Variants in ITFG2 observed in about 807,000 individuals in gnomAD.
The protein encoded by ITFG2 is integrin alpha FG-GAP repeat containing 2.
ITFG2 carries 36 observed loss-of-function variants against 54.4 expected under a neutral mutation model. That is an observed-to-expected ratio of 0.66 (90% CI 0.51 to 0.87). ITFG2 has a LOEUF of 0.87. Ranked by LOEUF, ITFG2 falls within the 40% of genes least tolerant of loss-of-function variation. The pLI, the probability that ITFG2 is intolerant of heterozygous loss-of-function variation, is 0.00. For missense variants in ITFG2, 524 were observed against 576.7 expected (o/e 0.91, Z 0.94); for synonymous variants, 211 against 225.4 (o/e 0.94, Z 0.57).
chr12:2,848,977 C>G (rs2098061403), intron 2 of ITFG2: 1 of 492,366 alleles, frequency 2.0e-6, no homozygotes. Context: ...CTGCTCTACC[C>G]AGCCTCCTGG....
chr12:2,858,450 C>T (rs772093393), intron 3 of ITFG2: 24 of 578,894 alleles, frequency 4.1e-5, no homozygotes, highest in Non-Finnish European at 6.1e-5. Context: ...GAATCAGATA[C>T]TCTTGGGGAA....
At chr12:2,836,835 C>T (rs1265937601) in exon 1 of ITFG2, 2 of 152,234 alleles carry the variant, frequency 1.3e-5, no homozygotes, top group Non-Finnish European at 2.9e-5. Flanking sequence ...CAAGGAACAC[C>T]TAAGAGGACC....
chr12:2,855,274 A>T, intron 2 of ITFG2: 4 of 1,516,082 alleles, frequency 2.6e-6, no homozygotes, highest in Non-Finnish European at 3.5e-6. Flanking sequence ...CCAAGGGTGG[A>T]TGAGCCGCTG....
At chr12:2,834,632 G>A, upstream of ITFG2, 1 of 1,572,862 alleles carries the variant, frequency 6.4e-7, no homozygotes, top group Non-Finnish European at 8.6e-7. Flanking sequence ...GGGGAGGGGT[G>A]ATGCCTCACC....
chr12:2,837,070 G>A (rs766339704), intron 1 of ITFG2: 3 of 152,280 alleles, frequency 2.0e-5, no homozygotes, highest in South Asian at 2.1e-4. Flanking sequence ...AGTGGTTCAC[G>A]TCTGTAATCC....
At chr12:2,859,410 T>G (rs1183895222) in intron 3 of ITFG2, 1 of 1,613,928 alleles carries the variant, frequency 6.2e-7, no homozygotes, top group East Asian at 2.2e-5. Context: ...GGTGGGAGAT[T>G]GGGACGAATC....
Position 2,858,927 on chromosome 12 carries a change from G to T in ITFG2, n.620+596G>T, listed in dbSNP as rs764705130. On this transcript the variant is annotated intron_variant and non_coding_transcript_variant, in intron 3 of 3. Transcript: ENST00000537710. ...GAGCCTTTGCGGTGATTCAAGGGGG[G>T]GAGCACTTTGCAAGGGAGTGGTGCT... 3.1e-6 allele frequency: 5 copies of T among 1,613,658 alleles called. No homozygotes were observed. Among genetic ancestry groups the T allele is most frequent in the Non-Finnish European group, 4.2e-6 (5 of 1,180,010 alleles).
intron 2 of ITFG2, chr12:2,830,492 G>A (rs1036564733): frequency 8.0e-6 from 4 of 498,894 alleles, no homozygotes; most frequent in Admixed American, 3.8e-5. Flanking sequence ...AGGAAGGGGG[G>A]CAGAGTAATG....
intron 2 of ITFG2, chr12:2,855,120 G>A: frequency 1.3e-6 from 2 of 1,534,194 alleles, no homozygotes; most frequent in South Asian, 1.2e-5. Flanking sequence ...GCTCCGTGGG[G>A]GGGCATCTGT....
chr12:2,853,718 C>T (rs1047306556), intron 2 of ITFG2, among the ~76,000 whole-genome samples: 1 of 152,156 alleles, frequency 6.6e-6, no homozygotes, highest in Admixed American at 6.5e-5. Flanking sequence ...TGCCTTCCCC[C>T]TTTCTTGTTA....
downstream of ITFG2, chr12:2,826,152 C>G (rs919269866): frequency 2.6e-5 from 4 of 151,490 alleles, no homozygotes; most frequent in Non-Finnish European, 2.9e-5. Flanking sequence ...TCGGGTTCTT[C>G]TCTTCACAGT....
chr12:2,820,691 T>C, intron 5 of ITFG2, 33 bp from the exon 6 acceptor site: 1 of 1,355,642 alleles, frequency 7.4e-7, no homozygotes, highest in South Asian at 1.1e-5. Flanking sequence ...TCCTTCTCTC[T>C]CCGTCTCCCT....
intron 4 of ITFG2, among the ~76,000 whole-genome samples, chr12:2,819,372 G>A (rs2097934314): frequency 6.6e-6 from 1 of 152,096 alleles, no homozygotes; most frequent in Admixed American, 6.5e-5. Context: ...GGAGGCTGAG[G>A]CAGGAGAATG....
At chr12:2,834,750 G>A (rs568698955), upstream of ITFG2, 942 of 1,613,994 alleles carry the variant, frequency 5.8e-4, 13 homozygotes, top group South Asian at 9.4e-3. Flanking sequence ...GCTGGCTCAG[G>A]TGGGCTCGGT....
chr12:2,822,754 A>G (rs767221328), intron 9 of ITFG2, 40 bp from the exon 10 acceptor site: 21 of 1,557,420 alleles, frequency 1.3e-5, no homozygotes, highest in Non-Finnish European at 1.9e-5. Flanking sequence ...AATCCAGTCC[A>G]CAGCTCCTTT....
intron 2 of ITFG2, chr12:2,856,999 T>G: frequency 4.3e-6 from 3 of 703,000 alleles, no homozygotes; most frequent in Non-Finnish European, 7.8e-6. Context: ...CTGGGCCCTC[T>G]GAGTGATCTT....
At chr12:2,826,552 G>A (rs1229861992), downstream of ITFG2, 1 of 141,886 alleles carries the variant, frequency 7.0e-6, no homozygotes, top group Non-Finnish European at 1.5e-5. Flanking sequence ...GTTTTGCACA[G>A]GGTAATCAAA....
chr12:2,840,077 C>A (rs1321095072), intron 1 of ITFG2, among the ~76,000 whole-genome samples: 1 of 151,318 alleles, frequency 6.6e-6, no homozygotes, highest in Non-Finnish European at 1.5e-5. Flanking sequence ...TTCTAACAAA[C>A]CCGCACATGT....
intron 1 of ITFG2, among the ~76,000 whole-genome samples, chr12:2,838,781 A>G (rs1429621093): frequency 6.6e-6 from 1 of 152,180 alleles, no homozygotes; most frequent in Non-Finnish European, 1.5e-5. Context: ...AATACAAGGC[A>G]TAGTCTCTGC....
Sources: allele counts gnomAD v4.1 joint callset (sites outside exome capture counted in the v4.1 genomes callset), GRCh38; gene constraint gnomAD v4.1.1; transcripts MANE v1.5; gene names NCBI Gene and HGNC (gene_info 2026-07-23, HGNC 2026-07-21).